The following OR10H5 variants were observed in gnomAD, a reference collection of about 807,000 sequenced individuals.
The protein encoded by OR10H5 is olfactory receptor family 10 subfamily H member 5, also known as olfactory receptor 10H5.
Under a neutral mutation model 12.2 loss-of-function variants are expected in OR10H5, and 7 were observed. The ratio of observed to expected loss-of-function variants is 0.57; its 90% CI spans 0.33 to 1.07. OR10H5 has a LOEUF of 1.07. Among genes scored for constraint, OR10H5 ranks in the 50% least tolerant of loss-of-function variants. The probability of loss-of-function intolerance (pLI) is 0.04; values close to 1 mark genes in which losing one functional copy is unlikely to be tolerated. For synonymous variants in OR10H5, 159 were observed against 175.1 expected (o/e 0.91, Z 0.73); for missense variants, 346 against 411.6 (o/e 0.84, Z 1.38).
rs922246809 is a variant in OR10H5, at chr19:15,798,077, G to C, written c.*3081G>C. ...AAAAAAAAAAAAAAAAAGCATAAAC[G>C]TAATTTATCTTGATTGCTGAATTTT... is the stretch of plus-strand genomic sequence containing the variant. On this transcript the variant is annotated 3_prime_UTR_variant, in exon 2 of 2. Coordinates refer to ENST00000642092, the MANE Select transcript of OR10H5 (RefSeq NM_001004466.2). 7.4e-6 allele frequency: 1 copy of C among 135,222 alleles called. No homozygotes were observed. The highest frequency in any genetic ancestry group is 1.6e-5 in the Non-Finnish European group (1 of 64,446). 8.4% of individuals were successfully genotyped at this position (135,222 alleles called of 1,614,324 possible). A position where few individuals can be genotyped will look rare whatever the true frequency, so the allele number is the denominator to read the frequency against.
chr19:15,790,812 T>C (rs2088806307), intron 1 of OR10H5, among the ~76,000 whole-genome samples: 1 of 152,190 alleles, frequency 6.6e-6, no homozygotes, highest in African/African-American at 2.4e-5. Context: ...CCAGGTGGTA[T>C]TCTGAGTCCT....
At chr19:15,792,923 A>G (rs964501321) in intron 1 of OR10H5, among the ~76,000 whole-genome samples, 1 of 152,006 alleles carries the variant, frequency 6.6e-6, no homozygotes, top group African/African-American at 2.4e-5. Flanking sequence ...CAAGGGACCA[A>G]CCCACGGTCC....
At chr19:15,792,987 G>T (rs1377679362) in intron 1 of OR10H5, among the ~76,000 whole-genome samples, 1 of 152,112 alleles carries the variant, frequency 6.6e-6, no homozygotes, top group East Asian at 1.9e-4. Context: ...AGACCACCGA[G>T]ATTTAAAAAT....
rs2088836246 is a variant in OR10H5 at position 15,795,560 on chromosome 19, AG to A, written c.*566del. 6.5e-6 allele frequency: 1 copy of A among 154,658 alleles called. No homozygotes were observed. Among genetic ancestry groups the A allele is most frequent in the African/African-American group, 2.4e-5 (1 of 41,430 alleles). The allele number at this position is 154,658 out of a possible 1,614,324, so 9.6% of individuals were successfully genotyped here. A position where few individuals can be genotyped will look rare whatever the true frequency, so the allele number is the denominator to read the frequency against. ...AGGCTGGTCTCGAACTCCTGACCTC[AG>A]GCATTATGCCCACCTCAGCCTCCCA... On this transcript the variant is annotated 3_prime_UTR_variant, in exon 2 of 2. Transcript: ENST00000642092.
Position 15,794,297 on chromosome 19 carries a change from C to T in OR10H5, c.249C>T (p.Ala83=), listed in dbSNP as rs561923553. The part of the protein sequence containing the change: ...YTVAIIPRML[A]DLLSTQRSIA... ...TGGCCATCATCCCGCGCATGCTGGC[C>T]GACCTGCTGTCCACCCAGCGCTCCA... Residue 83 remains alanine, a synonymous_variant, in exon 2 of 2, where the codon GCC becomes GCT. Coordinates refer to ENST00000642092, the MANE Select transcript of OR10H5 (RefSeq NM_001004466.2). 19 of 1,614,088 alleles carry T rather than the reference C, an allele frequency of 1.2e-5. No homozygotes were observed. The highest frequency in any genetic ancestry group is 4.4e-5 in the South Asian group (4 of 91,070).
Position 15,794,091 on chromosome 19 carries a change from G to T in OR10H5, c.43G>T (p.Val15Phe), listed in dbSNP as rs764274885. 1.2e-6 allele frequency: 2 copies of T among 1,613,914 alleles called. No homozygotes were observed. The highest frequency in any genetic ancestry group is 4.5e-5 in the East Asian group (2 of 44,850). Reference protein sequence around the residue: ...NHTSVSEFILVGFSAFPHLQL... With the variant: ...NHTSVSEFILFGFSAFPHLQL... ...CACCTCCGTGTCTGAATTCATCCTC[G>T]TTGGCTTCTCTGCCTTCCCCCACCT... Residue 15 changes from valine to phenylalanine, a missense_variant, in exon 2 of 2, where the codon GTT (valine) becomes TTT (phenylalanine). Coordinates refer to ENST00000642092, the MANE Select transcript of OR10H5 (RefSeq NM_001004466.2).
intron 1 of OR10H5, among the ~76,000 whole-genome samples, chr19:15,790,686 G>C (rs1490720524): frequency 1.3e-5 from 2 of 152,100 alleles, no homozygotes; most frequent in Non-Finnish European, 2.9e-5. Flanking sequence ...AAGAAGAGGA[G>C]GGAGTTGAGG....
chr19:15,799,202 C>G lies in OR10H5; in HGVS notation c.*4206C>G, dbSNP rs1158899808. The G allele has an allele frequency of 6.6e-6, 1 of 152,192 alleles. No homozygotes were observed. The highest frequency in any genetic ancestry group is 1.5e-5 in the Non-Finnish European group (1 of 68,060). The allele number at this position is 152,192 out of a possible 1,614,324, so 9.4% of individuals were successfully genotyped here. On this transcript the variant is annotated 3_prime_UTR_variant, in exon 2 of 2. Transcript: ENST00000642092. ...TTCATCCCCAAATTCATTCTTTGAC[C>G]CTATAGCCCAATGGGCTCCCTGCTG...
chr19:15,791,536 C>T (rs2088809106), intron 1 of OR10H5, among the ~76,000 whole-genome samples: 1 of 151,546 alleles, frequency 6.6e-6, no homozygotes, highest in African/African-American at 2.4e-5. Flanking sequence ...TTTTATCATC[C>T]TTATTTGATC....
At position 15,797,303 on chromosome 19, in the gene OR10H5, C is replaced by G. The variant is rs2088844576; in HGVS notation, c.*2307C>G. ...TATACCCTGTTTATACCCCACGTGT[C>G]CTGGGGTGTAGCTAGTGCTTTCTAG... On this transcript the variant is annotated 3_prime_UTR_variant, in exon 2 of 2. Coordinates refer to ENST00000642092, the MANE Select transcript of OR10H5 (RefSeq NM_001004466.2). 6.6e-6 allele frequency: 1 copy of G among 152,120 alleles called. No homozygotes were observed. Among genetic ancestry groups the G allele is most frequent in the Admixed American group, 6.6e-5 (1 of 15,254 alleles). The allele number at this position is 152,120 out of a possible 1,614,324, so 9.4% of individuals were successfully genotyped here.
At chr19:15,788,380 C>A (rs2088793393) in intron 1 of OR10H5, among the ~76,000 whole-genome samples, 1 of 152,180 alleles carries the variant, frequency 6.6e-6, no homozygotes, top group Non-Finnish European at 1.5e-5. Flanking sequence ...CTGCATCGCT[C>A]CAATCTCTGC....
rs529558547 is a variant in OR10H5, at chr19:15,794,341, C to A, written c.293C>A (p.Ala98Asp). The A allele has an allele frequency of 1.2e-6, 2 of 1,614,022 alleles. No individual in the cohort carries two copies. Among genetic ancestry groups the A allele is most frequent in the South Asian group, 1.1e-5 (1 of 91,084 alleles). ...CGCTCCATCGCCTTCCTGGCCTGTG[C>A]CAGTCAGATGTTCTTCTCCTTCAGC... ...TQRSIAFLAC[A>D]SQMFFSFSFG... is the part of the protein sequence containing the mutation. Residue 98 changes from alanine to aspartate, a missense_variant, in exon 2 of 2, where the codon GCC (alanine) becomes GAC (aspartate). By Grantham distance (126) the Ala-to-Asp change is moderately radical. Transcript: ENST00000642092.
rs1311180873 is a variant in OR10H5, at chr19:15,800,015, C to T, written c.*5019C>T. The T allele has an allele frequency of 6.6e-6, 1 of 152,030 alleles. No homozygotes were observed. Among genetic ancestry groups the T allele is most frequent in the African/African-American group, 2.4e-5 (1 of 41,366 alleles). The allele number at this position is 152,030 out of a possible 1,614,324, so 9.4% of individuals were successfully genotyped here. A position where few individuals can be genotyped will look rare whatever the true frequency, so the allele number is the denominator to read the frequency against. ...CACCACGCCTGGCCCCTTGCATCTA[C>T]TCTTGCTTTTGCCTGTAATACCCTT... On this transcript the variant is annotated 3_prime_UTR_variant, in exon 2 of 2. Transcript: ENST00000642092.
Position 15,796,536 on chromosome 19 carries a change from C to T in OR10H5, c.*1540C>T, listed in dbSNP as rs541337033. 6.6e-6 allele frequency: 1 copy of T among 152,282 alleles called. No homozygotes were observed. Among genetic ancestry groups the T allele is most frequent in the East Asian group, 1.9e-4 (1 of 5,186 alleles). The allele number at this position is 152,282 out of a possible 1,614,324, so 9.4% of individuals were successfully genotyped here. On this transcript the variant is annotated 3_prime_UTR_variant, in exon 2 of 2. Transcript: ENST00000642092. The stretch of plus-strand genomic sequence containing the variant: ...TGGGGAGGCCGTGACAGGAGGATCA[C>T]TGGAGTCCAGGAGTTCAAGACCAGC...
chr19:15,789,402 G>T (rs2088798775), intron 1 of OR10H5, among the ~76,000 whole-genome samples: 1 of 152,170 alleles, frequency 6.6e-6, no homozygotes, highest in Non-Finnish European at 1.5e-5. Context: ...GAGTTGAATT[G>T]TGTCTCCTTT....
intron 1 of OR10H5, among the ~76,000 whole-genome samples, chr19:15,789,112 TG>T (rs1382469859): frequency 2.0e-5 from 3 of 151,992 alleles, no homozygotes; most frequent in African/African-American, 7.3e-5. Flanking sequence ...TGAATGAACA[TG>T]AGTTTTGGAG....
rs567734738 is a variant in OR10H5 at position 15,797,456 on chromosome 19, C to G, written c.*2460C>G. 1 of 152,108 alleles carries G rather than the reference C, an allele frequency of 6.6e-6. No individual in the cohort carries two copies. Among genetic ancestry groups the G allele is most frequent in the Non-Finnish European group, 1.5e-5 (1 of 68,030 alleles). 9.4% of individuals were successfully genotyped at this position (152,108 alleles called of 1,614,324 possible). Reference sequence around the variant, plus strand: ...TCCAAGATGTGTCATTGTGGTTCCCCGTGGTGATCAGAAAAGCGAGCCAGC... The same window carrying G: ...TCCAAGATGTGTCATTGTGGTTCCCGGTGGTGATCAGAAAAGCGAGCCAGC... On this transcript the variant is annotated 3_prime_UTR_variant, in exon 2 of 2. Coordinates refer to ENST00000642092, the MANE Select transcript of OR10H5 (RefSeq NM_001004466.2).
At position 15,800,186 on chromosome 19, in the gene OR10H5, G is replaced by T. The variant is rs55999194; in HGVS notation, c.*5190G>T. On this transcript the variant is annotated 3_prime_UTR_variant, in exon 2 of 2. Coordinates refer to ENST00000642092, the MANE Select transcript of OR10H5 (RefSeq NM_001004466.2). ...AGGTCCCTCAGAGCTTTTATCACAA[G>T]TTCCCATATATATTAATTGGTGCAA... 60,394 of 151,500 alleles carry T rather than the reference G, an allele frequency of 0.4. 12,997 individuals carry two copies. The highest frequency in any genetic ancestry group is 0.55 in the African/African-American group (22,599 of 41,224). The allele number at this position is 151,500 out of a possible 1,614,324, so 9.4% of individuals were successfully genotyped here.
At chr19:15,787,880 G>T (rs1197291496) in intron 1 of OR10H5, among the ~76,000 whole-genome samples, 164 bp downstream of exon 1, 1 of 152,160 alleles carries the variant, frequency 6.6e-6, no homozygotes, top group Non-Finnish European at 1.5e-5. Flanking sequence ...TGGAGTAGGG[G>T]TTCTATAGCC....
Sources: gnomAD v4.1 joint callset for allele counts (sites outside exome capture counted in the v4.1 genomes callset) on GRCh38, gnomAD v4.1.1 for gene constraint, MANE v1.5 for transcripts, NCBI Gene and HGNC (gene_info 2026-07-23, HGNC 2026-07-21) for gene names.